Variants in FAM114A1 observed in about 807,000 individuals in gnomAD.
FAM114A1 encodes family with sequence similarity 114 member A1.
FAM114A1 carries 62 observed loss-of-function variants against 64.3 expected under a neutral mutation model. The observed-to-expected ratio is 0.96, with a 90% CI of 0.79 to 1.19. The LOEUF (loss-of-function observed/expected upper bound fraction) is 1.19. Among genes scored for constraint, FAM114A1 ranks in the 50% most tolerant of loss-of-function variants. The pLI is 0.00. For missense variants in FAM114A1, 645 were observed against 676.3 expected (o/e 0.95, Z 0.51); for synonymous variants, 254 against 251.1 (o/e 1.01, Z -0.11).
intron 7 of FAM114A1, among the ~76,000 whole-genome samples, chr4:38,912,078 C>T (rs1304854166): frequency 6.6e-6 from 1 of 151,792 alleles, no homozygotes; most frequent in Admixed American, 6.6e-5. Flanking sequence ...CCAGGCTGGT[C>T]CCGAACTCCT....
chr4:38,931,118 A>C (rs1720591290), intron 10 of FAM114A1, among the ~76,000 whole-genome samples: 1 of 152,216 alleles, frequency 6.6e-6, no homozygotes, highest in African/African-American at 2.4e-5. Context: ...ATAGATGGTC[A>C]TGAAAAGTGA....
chr4:38,926,577 T>C (rs938345191), intron 9 of FAM114A1, among the ~76,000 whole-genome samples: 1 of 151,604 alleles, frequency 6.6e-6, no homozygotes, highest in Non-Finnish European at 1.5e-5. Context: ...TGCCTCAGCC[T>C]CCCAAGTAGC....
intron 3 of FAM114A1, among the ~76,000 whole-genome samples, chr4:38,888,409 G>C (rs1716020940): frequency 6.6e-6 from 1 of 152,064 alleles, no homozygotes; most frequent in African/African-American, 2.4e-5. Context: ...TGTAATCTCA[G>C]CTACTTGGGA....
intron 9 of FAM114A1, among the ~76,000 whole-genome samples, chr4:38,924,581 G>T (rs1365749701): frequency 6.6e-6 from 1 of 152,164 alleles, no homozygotes; most frequent in Non-Finnish European, 1.5e-5. Flanking sequence ...TCAGCTTAAT[G>T]AGATTTATGC....
rs1408632254 is a variant in FAM114A1, at chr4:38,943,775, GTTAAT to G, written c.*223_*227del. ...TTACAAACAATTGTGTTTTCTTTAT[GTTAAT>G]TTAAACTTACACAGCTTATATTGAA... is the stretch of plus-strand genomic sequence containing the variant. On this transcript the variant is annotated 3_prime_UTR_variant, in exon 15 of 15. Transcript: ENST00000358869. 4 of 397,960 alleles carry G rather than the reference GTTAAT, an allele frequency of 1.0e-5. No homozygotes were observed. Among genetic ancestry groups the G allele is most frequent in the East Asian group, 3.9e-5 (1 of 25,534 alleles). 24.7% of individuals were successfully genotyped at this position (397,960 alleles called of 1,614,324 possible).
chr4:38,924,399 AT>A (rs1258633956), intron 9 of FAM114A1, among the ~76,000 whole-genome samples: 1 of 152,206 alleles, frequency 6.6e-6, no homozygotes, highest in African/African-American at 2.4e-5. Flanking sequence ...GCATTCTTAA[AT>A]CGCTGGCAGT....
chr4:38,903,656 A>G (rs1560305752), intron 4 of FAM114A1, among the ~76,000 whole-genome samples: 1 of 152,234 alleles, frequency 6.6e-6, no homozygotes. Flanking sequence ...TGAAACTTCA[A>G]TAAGTTTCCA....
At chr4:38,919,251 AC>A (rs1719357184) in intron 8 of FAM114A1, among the ~76,000 whole-genome samples, 1 of 152,210 alleles carries the variant, frequency 6.6e-6, no homozygotes, top group African/African-American at 2.4e-5. Context: ...TTGTATAATG[AC>A]CTGGAAGGCC....
At chr4:38,917,457 C>G (rs1222084539) in intron 8 of FAM114A1, among the ~76,000 whole-genome samples, 1 of 152,138 alleles carries the variant, frequency 6.6e-6, no homozygotes, top group Non-Finnish European at 1.5e-5. Flanking sequence ...ATAATAAAAT[C>G]TACCTCACAG....
chr4:38,893,737 C>T (rs888831812), intron 4 of FAM114A1, among the ~76,000 whole-genome samples: 1 of 152,226 alleles, frequency 6.6e-6, no homozygotes, highest in South Asian at 2.1e-4. Flanking sequence ...CCAGCACCTT[C>T]TTAGGTGTCT....
chr4:38,934,640 T>C (rs1423221335), intron 12 of FAM114A1, among the ~76,000 whole-genome samples: 1 of 152,202 alleles, frequency 6.6e-6, no homozygotes. Flanking sequence ...GTAATCAGAT[T>C]GTTTTCAGTT....
chr4:38,889,294 G>GT (rs1023576242), intron 3 of FAM114A1, among the ~76,000 whole-genome samples: 2 of 152,086 alleles, frequency 1.3e-5, no homozygotes, highest in Non-Finnish European at 2.9e-5. Flanking sequence ...CATTGCTGAA[G>GT]TGAAGTAAAT....
At chr4:38,898,304 T>C (rs1331190419) in intron 4 of FAM114A1, among the ~76,000 whole-genome samples, 1 of 152,222 alleles carries the variant, frequency 6.6e-6, no homozygotes, top group East Asian at 1.9e-4. Flanking sequence ...ATTATCATTG[T>C]TCCCCTTACT....
At chr4:38,871,354 A>C (rs1203641245) in intron 2 of FAM114A1, among the ~76,000 whole-genome samples, 1 of 151,854 alleles carries the variant, frequency 6.6e-6, no homozygotes, top group Non-Finnish European at 1.5e-5. Flanking sequence ...GGCCTCCCAA[A>C]GTGCTGGGAT....
intron 8 of FAM114A1, 79 bp downstream of exon 8, chr4:38,915,152 A>G: frequency 6.5e-7 from 1 of 1,545,132 alleles, no homozygotes; most frequent in South Asian, 1.2e-5. Flanking sequence ...AAAATCTGCC[A>G]TTAAAAGATC....
At chr4:38,904,455 T>C (rs1214400556) in intron 4 of FAM114A1, among the ~76,000 whole-genome samples, 1 of 152,218 alleles carries the variant, frequency 6.6e-6, no homozygotes, top group Non-Finnish European at 1.5e-5. Flanking sequence ...TACCAAATAG[T>C]TATTGAATAA....
intron 4 of FAM114A1, among the ~76,000 whole-genome samples, chr4:38,899,455 C>T (rs781147342): frequency 1.3e-5 from 2 of 152,108 alleles, no homozygotes; most frequent in African/African-American, 2.4e-5. Context: ...TAGTTGAGCG[C>T]TGTCAGTAGA....
chr4:38,928,838 G>A (rs1216231493), intron 9 of FAM114A1, among the ~76,000 whole-genome samples: 4 of 152,188 alleles, frequency 2.6e-5, no homozygotes, highest in African/African-American at 4.8e-5. Context: ...TAACAATATC[G>A]AAGTCATAAA....
rs1316445733 is a variant in FAM114A1 at position 38,943,644 on chromosome 4, G to A, written c.*87G>A. On this transcript the variant is annotated 3_prime_UTR_variant, in exon 15 of 15. Coordinates refer to ENST00000358869, the MANE Select transcript of FAM114A1 (RefSeq NM_138389.4). ...TTAAGGGGATGTTCTCTGTGCGCCT[G>A]GCCACAGACATCCATTTGAGGACAC... The A allele has an allele frequency of 1.8e-6, 2 of 1,142,020 alleles. No homozygotes were observed. Among genetic ancestry groups the A allele is most frequent in the Non-Finnish European group, 2.6e-6 (2 of 765,244 alleles). 70.7% of individuals were successfully genotyped at this position (1,142,020 alleles called of 1,614,324 possible). A position where few individuals can be genotyped will look rare whatever the true frequency, so the allele number is the denominator to read the frequency against.
Sources: allele counts gnomAD v4.1 joint callset (sites outside exome capture counted in the v4.1 genomes callset), GRCh38; gene constraint gnomAD v4.1.1; transcripts MANE v1.5; gene names NCBI Gene and HGNC (gene_info 2026-07-23, HGNC 2026-07-21).